Variants in MYO7B observed in about 807,000 individuals in gnomAD.
MYO7B encodes myosin VIIB.
In MYO7B, 212 loss-of-function variants were observed where a neutral mutation model predicts 259.7. That is an observed-to-expected ratio of 0.82 (90% CI 0.73 to 0.91). The LOEUF (loss-of-function observed/expected upper bound fraction) is 0.91, where lower values mean the gene tolerates loss of function less well. Among genes scored for constraint, MYO7B ranks in the 40% least tolerant of loss-of-function variants. The pLI is 0.00. For missense variants in MYO7B, 2,732 were observed against 2,813.5 expected (o/e 0.97, Z 0.66); for synonymous variants, 1,197 against 1,166.4 (o/e 1.03, Z -0.54).
chr2:127,582,355 A>G lies in MYO7B; in HGVS notation c.1252A>G (p.Ile418Val). 1.2e-6 allele frequency: 2 copies of G among 1,613,514 alleles called. No homozygotes were observed. The highest frequency in any genetic ancestry group is 1.7e-6 in the Non-Finnish European group (2 of 1,179,744). Residue 418 changes from isoleucine (I) to valine (V), a missense_variant, in exon 12 of 48, where the codon ATC becomes GTC. By Grantham distance (29) the Ile-to-Val change is conservative. Transcript: ENST00000409816. ...LWIVKKINAAIFTPPAQDPKN... is the reference protein window; with the variant it reads ...LWIVKKINAAVFTPPAQDPKN... ...GATTGTCAAGAAGATCAATGCCGCC[A>G]TCTTCACACCACCAGCCCAGGACCC...
At chr2:127,558,847 T>A (rs1476303924) in intron 1 of MYO7B, among the ~76,000 whole-genome samples, 1 of 151,950 alleles carries the variant, frequency 6.6e-6, no homozygotes, top group African/African-American at 2.4e-5. Context: ...GCTATGAGGA[T>A]GCAAAGGTGT....
At chr2:127,556,909 T>C (rs62156603) in intron 1 of MYO7B, among the ~76,000 whole-genome samples, 18,848 of 152,134 alleles carry the variant, frequency 0.12, 1,438 homozygotes, top group South Asian at 0.32. Flanking sequence ...GTGTTCTTTC[T>C]TGTATTTGGA....
At position 127,627,314 on chromosome 2, in the gene MYO7B, C is replaced by T. The variant is rs771565403; in HGVS notation, c.4460+4C>T. Reference sequence around the variant, plus strand: ...TCATGGGTCTGGCCACCAACAGGTGCGGGCCCTGAGGGAAGATCTCTTCTT... The same window carrying T: ...TCATGGGTCTGGCCACCAACAGGTGTGGGCCCTGAGGGAAGATCTCTTCTT... On this transcript the variant is annotated splice_donor_region_variant and intron_variant, in intron 33 of 47. Transcript: ENST00000409816. This position sits in a 1 kb window ranked among gnomAD's most constrained non-coding sequence, Gnocchi z 5.6. 1.1e-5 allele frequency: 18 copies of T among 1,592,862 alleles called. No homozygotes were observed. The highest frequency in any genetic ancestry group is 4.4e-5 in the South Asian group (4 of 90,618).
intron 8 of MYO7B, 89 bp from the exon 9 acceptor site, chr2:127,578,044 T>A (rs1678947544): frequency 3.3e-6 from 5 of 1,511,576 alleles, no homozygotes; most frequent in Non-Finnish European, 4.5e-6. Flanking sequence ...CCATTGCCTA[T>A]GAAGTGCAGT....
At chr2:127,612,696 T>C (rs1367600962) in intron 26 of MYO7B, 93 bp downstream of exon 26, 2 of 1,513,116 alleles carry the variant, frequency 1.3e-6, no homozygotes, top group East Asian at 2.4e-5. Context: ...ACCACCCCTA[T>C]GACACCTCCT....
At position 127,636,736 on chromosome 2, in the gene MYO7B, A is replaced by G. The variant is rs1010976611; in HGVS notation, c.6208-58A>G. 2 of 1,611,720 alleles carry G rather than the reference A, an allele frequency of 1.2e-6. No homozygotes were observed. The highest frequency in any genetic ancestry group is 1.7e-6 in the Non-Finnish European group (2 of 1,178,908). The stretch of plus-strand genomic sequence containing the variant: ...TGTCCTGCCTCTCTCCTGTCCCCTA[A>G]CACACACAGAGCCCGTGCTCTGGAG... On this transcript the variant is annotated intron_variant, in intron 46 of 47. Coordinates refer to ENST00000409816, the MANE Select transcript of MYO7B (RefSeq NM_001393586.1). The surrounding 1 kb of genome is among the most constrained non-coding windows in gnomAD (Gnocchi z 4.5).
Position 127,609,974 on chromosome 2 carries a change from G to A in MYO7B, c.3150G>A (p.Arg1050=), listed in dbSNP as rs868776281. ...GGCAGATCCATGACACGCTGGGCAGGGAGCACGGTGCCCAGGTTCCACAGC... is the reference window on the plus strand; with the variant it reads ...GGCAGATCCATGACACGCTGGGCAGAGAGCACGGTGCCCAGGTTCCACAGC... ...VMRQIHDTLG[R]EHGAQVPQHS... The change falls in exon 24 of 48, where the codon AGG becomes AGA. Residue 1050 remains arginine, a synonymous_variant. Transcript: ENST00000409816. The surrounding 1 kb of genome is among the most constrained non-coding windows in gnomAD (Gnocchi z 6.9). The A allele has an allele frequency of 6.2e-7, 1 of 1,608,348 alleles. No individual in the cohort carries two copies. Among genetic ancestry groups the A allele is most frequent in the Non-Finnish European group, 8.5e-7 (1 of 1,177,484 alleles).
In MYO7B at chr2:127,565,271, T is replaced by G; in HGVS notation, c.171T>G (p.Ser57Arg). 1 of 1,613,970 alleles carries G rather than the reference T, an allele frequency of 6.2e-7. No homozygotes were observed. Among genetic ancestry groups the G allele is most frequent in the South Asian group, 1.1e-5 (1 of 91,076 alleles). The stretch of plus-strand genomic sequence containing the variant: ...GAGCAGAGGACTTTGGTGTCCTCAG[T>G]CCCATGCACCCCAACTCAGTCCAGG... The part of the protein sequence containing the change: ...WIRAEDFGVL[S>R]PMHPNSVQGV... The change falls in exon 4 of 48, where the codon AGT (serine) becomes AGG (arginine). Residue 57 changes from serine to arginine, a missense_variant. Physicochemically the swap from Ser to Arg is moderately radical, Grantham distance 110 (BLOSUM62 -1). Around this residue, in one of 3 missense-constraint regions of MYO7B, gnomAD observed 1,906 missense variants for 2,026.4 expected, o/e 0.94. Transcript: ENST00000409816.
At chr2:127,591,320 G>T (rs531114042) in intron 16 of MYO7B, among the ~76,000 whole-genome samples, 2 of 152,348 alleles carry the variant, frequency 1.3e-5, no homozygotes, top group African/African-American at 4.8e-5. Flanking sequence ...AGAGACCCTT[G>T]GCTCGTTCAG....
chr2:127,573,805 C>A, intron 6 of MYO7B, 115 bp from the exon 7 acceptor site: 1 of 1,362,080 alleles, frequency 7.3e-7, no homozygotes, highest in Non-Finnish European at 1.0e-6. Context: ...CAGCCGTGCC[C>A]ATTCTTCAAT....
chr2:127,605,833 T>C lies in MYO7B; in HGVS notation c.2340-11T>C. On this transcript the variant is annotated splice_polypyrimidine_tract_variant and intron_variant, in intron 19 of 47. Transcript: ENST00000409816. Reference sequence around the variant, plus strand: ...ATTGTTACATGTGTGTGGCTTGCATTGCCCTTCTAGGAAGGAGTTCCTGAG... The same window carrying C: ...ATTGTTACATGTGTGTGGCTTGCATCGCCCTTCTAGGAAGGAGTTCCTGAG... The C allele has an allele frequency of 6.2e-7, 1 of 1,612,882 alleles. No homozygotes were observed. The highest frequency in any genetic ancestry group is 8.5e-7 in the Non-Finnish European group (1 of 1,179,440).
chr2:127,577,218 G>A lies in MYO7B; in HGVS notation c.849+510G>A, dbSNP rs1678906145. 1.3e-5 allele frequency among the ~76,000 whole-genome samples: 2 copies of A among 152,066 alleles called. No individual in the cohort carries two copies. Among genetic ancestry groups the A allele is most frequent in the African/African-American group, 4.8e-5 (2 of 41,384 alleles). ...GGAGAACTGCGCCTCCTGGTTTATT[G>A]ACCACAGAGTGGACCCAGAGCATTC... On this transcript the variant is annotated intron_variant, in intron 8 of 47. Transcript: ENST00000409816. This position sits in a 1 kb window ranked among gnomAD's most constrained non-coding sequence, Gnocchi z 5.2.
Position 127,608,782 on chromosome 2 carries a change from CGACACCGTCACT to C in MYO7B, c.2724_2735del (p.Val909_Thr912del), listed in dbSNP as rs966338295. ...CTGCCAAGAAGCGCAGATCCATCTACGACACCGTCACTGACACGGAGATGGTGGAGAAGGTGT... is the reference window on the plus strand; with the variant it reads ...CTGCCAAGAAGCGCAGATCCATCTACGACACGGAGATGGTGGAGAAGGTGT... On this transcript the variant is annotated inframe_deletion, in exon 22 of 48. Transcript: ENST00000409816. 2.4e-5 allele frequency: 39 copies of C among 1,613,484 alleles called. No individual in the cohort carries two copies. Among genetic ancestry groups the C allele is most frequent in the Non-Finnish European group, 3.2e-5 (38 of 1,179,878 alleles).
chr2:127,587,941 C>A (rs1336094617), intron 14 of MYO7B, among the ~76,000 whole-genome samples: 2 of 152,172 alleles, frequency 1.3e-5, no homozygotes, highest in African/African-American at 2.4e-5. Context: ...TTACTTTAAT[C>A]CCCTCCTTAA....
chr2:127,634,618 ACTT>A lies in MYO7B; in HGVS notation c.5655_5657del (p.Phe1886del), dbSNP rs753217299. 1.4e-4 allele frequency: 231 copies of A among 1,612,604 alleles called. No homozygotes were observed. Among genetic ancestry groups the A allele is most frequent in the Non-Finnish European group, 1.8e-4 (211 of 1,179,428 alleles). On this transcript the variant is annotated inframe_deletion, in exon 42 of 48. Coordinates refer to ENST00000409816, the MANE Select transcript of MYO7B (RefSeq NM_001393586.1). ...CAGGTCATCAGCCAGAAGGAGGGAG[ACTT>A]CTTCTTTGATTCCTTGAGGGAGGTG...
rs571064500 is a variant in MYO7B, at chr2:127,631,238, T to C, written c.4970T>C (p.Val1657Ala). ...GAGAAGGACATGGTGAGCATGGCCGTGCTGCCCCTGGCCCGTGCCCGTGGC... is the reference window on the plus strand; with the variant it reads ...GAGAAGGACATGGTGAGCATGGCCGCGCTGCCCCTGGCCCGTGCCCGTGGC... The part of the protein sequence containing the change: ...APEKDMVSMA[V>A]LPLARARGHL... The change falls in exon 37 of 48, where the codon GTG becomes GCG. Residue 1657 changes from valine to alanine, a missense_variant. By Grantham distance (64) the Val-to-Ala change is moderately conservative. Transcript: ENST00000409816. 1.4e-5 allele frequency: 22 copies of C among 1,609,182 alleles called. No individual in the cohort carries two copies. In the South Asian group the frequency reaches 2.3e-4, roughly 17 times the overall value.
chr2:127,545,375 G>A (rs1172899326), intron 1 of MYO7B, among the ~76,000 whole-genome samples: 1 of 152,224 alleles, frequency 6.6e-6, no homozygotes, highest in Non-Finnish European at 1.5e-5. Context: ...TGGGCCCACT[G>A]TGCTGCCCAG....
intron 9 of MYO7B, among the ~76,000 whole-genome samples, chr2:127,579,557 A>G (rs140409654): frequency 2.2e-4 from 33 of 149,870 alleles, no homozygotes; most frequent in Non-Finnish European, 4.0e-4. Context: ...GAATGCAGAC[A>G]GATCCACTAA....
In MYO7B at chr2:127,611,127, C is replaced by A. The variant is rs1030103356; in HGVS notation, c.3192+1111C>A. On this transcript the variant is annotated intron_variant, in intron 24 of 47. Transcript: ENST00000409816. The surrounding 1 kb of genome is among the most constrained non-coding windows in gnomAD (Gnocchi z 5.4). ...CTCCTAAGAGGGCTCACTCACATGG[C>A]TGTTGGTGGGAGGCCTCAGTTCCTT... 8.5e-5 allele frequency among the ~76,000 whole-genome samples: 13 copies of A among 152,384 alleles called. No homozygotes were observed. Among genetic ancestry groups the A allele is most frequent in the African/African-American group, 3.1e-4 (13 of 41,600 alleles).
Sources: gnomAD v4.1 joint callset for allele counts (sites outside exome capture counted in the v4.1 genomes callset) on GRCh38, gnomAD v4.1.1 for gene constraint, gnomAD v4.1.1 regional missense constraint, Gnocchi (gnomAD v3.1) non-coding constraint, MANE v1.5 for transcripts, NCBI Gene and HGNC (gene_info 2026-07-23, HGNC 2026-07-21) for gene names.